Variants in SIX4 observed in about 807,000 individuals in gnomAD.
SIX4 encodes the protein homeobox protein SIX4.
SIX4 carries 23 observed loss-of-function variants against 51.5 expected under a neutral mutation model. The observed-to-expected ratio is 0.45, with a 90% CI of 0.32 to 0.63. SIX4 has a LOEUF of 0.63. Among genes scored for constraint, SIX4 ranks in the 30% least tolerant of loss-of-function variants. SIX4 has a pLI of 0.04. For synonymous variants in SIX4, 413 were observed against 417.3 expected, an observed-to-expected ratio of 0.99 and a Z score of 0.13; for missense variants, 867 against 984.0, an observed-to-expected ratio of 0.88 and a Z score of 1.59.
intron 2 of SIX4, among the ~76,000 whole-genome samples, chr14:60,715,781 A>G (rs1351367344): frequency 3.9e-5 from 6 of 152,114 alleles, no homozygotes; most frequent in African/African-American, 1.4e-4. Flanking sequence ...ATAATCTAGG[A>G]CCTCAAATAT....
rs1004718510 is a variant in SIX4, at chr14:60,710,647, G to C, written c.*2760C>G. 4.6e-5 allele frequency: 7 copies of C among 152,564 alleles called. No homozygotes were observed. Among genetic ancestry groups the C allele is most frequent in the Non-Finnish European group, 8.8e-5 (6 of 68,026 alleles). 9.5% of individuals were successfully genotyped at this position (152,564 alleles called of 1,614,324 possible). A position where few individuals can be genotyped will look rare whatever the true frequency, so the allele number is the denominator to read the frequency against. On this transcript the variant is annotated 3_prime_UTR_variant, in exon 3 of 3. Transcript: ENST00000216513. ...GAAATTCTGCCACATGACTCCAAGGGTTCTGAGTCTGGCCCTTGGTATGGC... is the reference window on the plus strand; with the variant it reads ...GAAATTCTGCCACATGACTCCAAGGCTTCTGAGTCTGGCCCTTGGTATGGC...
At chr14:60,718,164 T>G (rs1042831568) in intron 2 of SIX4, among the ~76,000 whole-genome samples, 2 of 152,100 alleles carry the variant, frequency 1.3e-5, no homozygotes, top group Non-Finnish European at 1.5e-5. Flanking sequence ...CAGTATCTGT[T>G]TGTGAGAAAA....
Position 60,723,374 on chromosome 14 carries a change from G to C in SIX4, c.701C>G (p.Ser234Trp). 1 of 1,612,202 alleles carries C rather than the reference G, an allele frequency of 6.2e-7. No individual in the cohort carries two copies. The highest frequency in any genetic ancestry group is 8.5e-7 in the Non-Finnish European group (1 of 1,179,998). Residue 234 changes from serine (S) to tryptophan (W), a missense_variant, in exon 1 of 3, where the codon TCG (serine) becomes TGG (tryptophan). Coordinates refer to ENST00000216513, the MANE Select transcript of SIX4 (RefSeq NM_017420.5). ...EETVYCFKEK[S>W]RNALKELYKQ... ...GTAGAGCTCCTTGAGCGCGTTGCGC[G>C]ACTTCTCCTTGAAACAATACACCGT...
In SIX4 at chr14:60,724,225, C is replaced by G. The variant is rs571268229; in HGVS notation, c.-151G>C. On this transcript the variant is annotated 5_prime_UTR_variant, in exon 1 of 3. Transcript: ENST00000216513. The stretch of plus-strand genomic sequence containing the variant: ...CCTCCTGGTTTCGGCTGTATCTGGC[C>G]GATCAGGTTTCCCCCCGGCCACGCA... 2.5e-5 allele frequency: 39 copies of G among 1,547,078 alleles called. No homozygotes were observed. In the South Asian group the frequency reaches 2.6e-4, roughly 10 times the overall value.
At chr14:60,716,846 G>A (rs1895929445) in intron 2 of SIX4, among the ~76,000 whole-genome samples, 1 of 152,154 alleles carries the variant, frequency 6.6e-6, no homozygotes, top group African/African-American at 2.4e-5. Context: ...TATTTTTAAT[G>A]CAAAGGAATG....
At position 60,720,278 on chromosome 14, in the gene SIX4, C is replaced by T; in HGVS notation, c.1031G>A (p.Ser344Asn). Residue 344 changes from serine to asparagine, a missense_variant, in exon 2 of 3, where the codon AGC (serine) becomes AAC (asparagine). Coordinates refer to ENST00000216513, the MANE Select transcript of SIX4 (RefSeq NM_017420.5). The surrounding 1 kb of genome is among the most constrained non-coding windows in gnomAD (Gnocchi z 5.5). ...QQIGNAKISLSSSGVLLNGSL... is the reference protein window; with the variant it reads ...QQIGNAKISLNSSGVLLNGSL... ...TCCATTCAACAGAACTCCAGAAGAG[C>T]TTAATGATATCTTAGCATTTCCAAT... The T allele has an allele frequency of 6.2e-7, 1 of 1,614,216 alleles. No individual in the cohort carries two copies. The highest frequency in any genetic ancestry group is 1.7e-5 in the Admixed American group (1 of 60,028).
rs1895979990 is a variant in SIX4, at chr14:60,719,461, T to G, written c.1549+299A>C. On this transcript the variant is annotated intron_variant, in intron 2 of 2. Transcript: ENST00000216513. This position sits in a 1 kb window ranked among gnomAD's most constrained non-coding sequence, Gnocchi z 4.9. ...AAGCAGTGAGTTATTTTGTAAGCAC[T>G]GATTGACTTATCATATTTCTGTAAT... Among the ~76,000 whole-genome samples the G allele has an allele frequency of 6.6e-6, 1 of 152,256 alleles. No homozygotes were observed. Among genetic ancestry groups the G allele is most frequent in the South Asian group, 2.1e-4 (1 of 4,832 alleles).
In SIX4 at chr14:60,720,676, A is replaced by T. The variant is rs1175824994; in HGVS notation, c.864-231T>A. ...ATCCCAATCATTTAAAATAACAATA[A>T]ATTCAGGGAAAGTCCAGACATCTGC... On this transcript the variant is annotated intron_variant, in intron 1 of 2. Coordinates refer to ENST00000216513, the MANE Select transcript of SIX4 (RefSeq NM_017420.5). The surrounding 1 kb of genome is among the most constrained non-coding windows in gnomAD (Gnocchi z 5.5). Among the ~76,000 whole-genome samples, 1 of 152,226 alleles carries T rather than the reference A, an allele frequency of 6.6e-6. No homozygotes were observed. The highest frequency in any genetic ancestry group is 1.5e-5 in the Non-Finnish European group (1 of 68,046).
Position 60,721,485 on chromosome 14 carries a change from G to T in SIX4, c.864-1040C>A, listed in dbSNP as rs117055123. On this transcript the variant is annotated intron_variant, in intron 1 of 2. Transcript: ENST00000216513. ...GGCTTTGGGCTGCGGGGCCAGGAGCGCAGAAAGCGCTTTGATTTACAAGCT... is the reference window on the plus strand; with the variant it reads ...GGCTTTGGGCTGCGGGGCCAGGAGCTCAGAAAGCGCTTTGATTTACAAGCT... Among the ~76,000 whole-genome samples the T allele has an allele frequency of 1.6e-3, 245 of 152,340 alleles. No homozygotes were observed. In the East Asian group the frequency reaches 0.027, roughly 17 times the overall value.
Position 60,723,904 on chromosome 14 carries a change from G to C in SIX4, c.171C>G (p.Asp57Glu). The change falls in exon 1 of 3, where the codon GAC becomes GAG. Residue 57 changes from aspartate (D) to glutamate (E), a missense_variant. Asp to Glu is a conservative substitution (Grantham distance 45, BLOSUM62 2). Coordinates refer to ENST00000216513, the MANE Select transcript of SIX4 (RefSeq NM_017420.5). The part of the protein sequence containing the change: ...APAPFPLEPG[D>E]AATAAARVSG... Reference sequence around the variant, plus strand: ...TCACCCTGGCGGCAGCGGTCGCGGCGTCCCCCGGCTCCAGGGGAAAAGGGG... The same window carrying C: ...TCACCCTGGCGGCAGCGGTCGCGGCCTCCCCCGGCTCCAGGGGAAAAGGGG... 2 of 1,519,574 alleles carry C rather than the reference G, an allele frequency of 1.3e-6. No homozygotes were observed. Among genetic ancestry groups the C allele is most frequent in the Non-Finnish European group, 1.7e-6 (2 of 1,149,058 alleles). The allele number at this position is 1,519,574 out of a possible 1,614,324, so 94.1% of individuals were successfully genotyped here.
chr14:60,723,866 C>G lies in SIX4; in HGVS notation c.209G>C (p.Gly70Ala), dbSNP rs1270675393. Residue 70 changes from glycine (G) to alanine (A), a missense_variant, in exon 1 of 3, where the codon GGG becomes GCG. Coordinates refer to ENST00000216513, the MANE Select transcript of SIX4 (RefSeq NM_017420.5). ...TAAARVSGEE[G>A]AVAAAAAGAA... ...TCCGGCCGCCGCCGCCGCCACTGCCCCTTCCTCTCCGCTCACCCTGGCGGC... is the reference window on the plus strand; with the variant it reads ...TCCGGCCGCCGCCGCCGCCACTGCCGCTTCCTCTCCGCTCACCCTGGCGGC... 1 of 1,544,202 alleles carries G rather than the reference C, an allele frequency of 6.5e-7. No homozygotes were observed. The highest frequency in any genetic ancestry group is 2.2e-5 in the Admixed American group (1 of 46,262).
rs1460979245 is a variant in SIX4, at chr14:60,723,833, G to A, written c.242C>T (p.Ala81Val). 3.9e-6 allele frequency: 6 copies of A among 1,520,704 alleles called. No homozygotes were observed. In the Admixed American group the frequency reaches 1.4e-4, roughly 34 times the overall value. 94.2% of individuals were successfully genotyped at this position (1,520,704 alleles called of 1,614,324 possible). A position where few individuals can be genotyped will look rare whatever the true frequency, so the allele number is the denominator to read the frequency against. The change falls in exon 1 of 3, where the codon GCG (alanine) becomes GTG (valine). Residue 81 changes from alanine (A) to valine (V), a missense_variant. Ala to Val is a moderately conservative substitution (Grantham distance 64, BLOSUM62 0). Coordinates refer to ENST00000216513, the MANE Select transcript of SIX4 (RefSeq NM_017420.5). ...TTCCGAGTGGAGTTGTACCTGATCC[G>A]CCGCCGCTCCGGCCGCCGCCGCCGC... is the stretch of plus-strand genomic sequence containing the variant. ...AVAAAAAGAAADQVQLHSELL... is the reference protein window; with the variant it reads ...AVAAAAAGAAVDQVQLHSELL...
At position 60,720,247 on chromosome 14, in the gene SIX4, C is replaced by T. The variant is rs1895997343; in HGVS notation, c.1062G>A (p.Leu354=). Residue 354 remains leucine, a synonymous_variant, in exon 2 of 3, where the codon TTG becomes TTA. Coordinates refer to ENST00000216513, the MANE Select transcript of SIX4 (RefSeq NM_017420.5). The surrounding 1 kb of genome is among the most constrained non-coding windows in gnomAD (Gnocchi z 5.5). ...SSSGVLLNGS[L]VPASTSPVFL... is the part of the protein sequence containing the mutation. ...AGACAGGTGAAGTACTTGCAGGTAC[C>T]AAGCTTCCATTCAACAGAACTCCAG... 6.2e-7 allele frequency: 1 copy of T among 1,614,138 alleles called. No individual in the cohort carries two copies. The highest frequency in any genetic ancestry group is 2.2e-5 in the East Asian group (1 of 44,884).
rs1426862165 is a variant in SIX4, at chr14:60,722,298, G to C, written c.863+914C>G. Among the ~76,000 whole-genome samples the C allele has an allele frequency of 6.6e-6, 1 of 152,168 alleles. No individual in the cohort carries two copies. Among genetic ancestry groups the C allele is most frequent in the Non-Finnish European group, 1.5e-5 (1 of 68,032 alleles). On this transcript the variant is annotated intron_variant, in intron 1 of 2. Coordinates refer to ENST00000216513, the MANE Select transcript of SIX4 (RefSeq NM_017420.5). This position sits in a 1 kb window ranked among gnomAD's most constrained non-coding sequence, Gnocchi z 5.9. ...ATCCGGTATTTTTTTTACCAGAGGG[G>C]GAAAGCAGTCTGCCAGGCAAAAAGC... is the stretch of plus-strand genomic sequence containing the variant.
intron 1 of SIX4, 98 bp downstream of exon 1, chr14:60,723,114 G>A (rs1896059768): frequency 4.9e-6 from 7 of 1,437,136 alleles, no homozygotes; most frequent in African/African-American, 1.4e-5. Context: ...AGGCTGGTGG[G>A]GAAGGTAAGC....
In SIX4 at chr14:60,719,680, T is replaced by C. The variant is rs1487693606; in HGVS notation, c.1549+80A>G. The C allele has an allele frequency of 5.1e-5, 71 of 1,401,044 alleles. No homozygotes were observed. Among genetic ancestry groups the C allele is most frequent in the South Asian group, 2.6e-4 (20 of 75,764 alleles). The allele number at this position is 1,401,044 out of a possible 1,614,324, so 86.8% of individuals were successfully genotyped here. A position where few individuals can be genotyped will look rare whatever the true frequency, so the allele number is the denominator to read the frequency against. On this transcript the variant is annotated intron_variant, in intron 2 of 2. Transcript: ENST00000216513. The surrounding 1 kb of genome is among the most constrained non-coding windows in gnomAD (Gnocchi z 4.9). ...GTACCTGAACAGAAACATCAATCTA[T>C]AGCTATCACCAAATGCGTCACTTAC...
Position 60,723,911 on chromosome 14 carries a change from G to A in SIX4, c.164C>T (p.Pro55Leu). ...GGCGGCAGCGGTCGCGGCGTCCCCC[G>A]GCTCCAGGGGAAAAGGGGCTGGAGC... ...PPAPAPFPLE[P>L]GDAATAAARV... The change falls in exon 1 of 3, where the codon CCG (proline) becomes CTG (leucine). Residue 55 changes from proline to leucine, a missense_variant. Coordinates refer to ENST00000216513, the MANE Select transcript of SIX4 (RefSeq NM_017420.5). 1.3e-6 allele frequency: 2 copies of A among 1,516,648 alleles called. No individual in the cohort carries two copies. Among genetic ancestry groups the A allele is most frequent in the Non-Finnish European group, 8.7e-7 (1 of 1,146,746 alleles). The allele number at this position is 1,516,648 out of a possible 1,614,324, so 93.9% of individuals were successfully genotyped here.
At chr14:60,718,409 C>T (rs17097757) in intron 2 of SIX4, among the ~76,000 whole-genome samples, 4,654 of 152,264 alleles carry the variant, frequency 0.031, 194 homozygotes, top group African/African-American at 0.099. Context: ...GGCAGTGCTC[C>T]TCTAGATTAC....
chr14:60,716,497 C>T (rs536363756), intron 2 of SIX4, among the ~76,000 whole-genome samples: 5 of 151,280 alleles, frequency 3.3e-5, no homozygotes, highest in Admixed American at 6.6e-5. Context: ...GTGATCCACC[C>T]GCCTCGGCCT....
Sources: allele counts gnomAD v4.1 joint callset (sites outside exome capture counted in the v4.1 genomes callset), GRCh38; gene constraint gnomAD v4.1.1; non-coding constraint Gnocchi (gnomAD v3.1); transcripts MANE v1.5; gene names NCBI Gene and HGNC (gene_info 2026-07-23, HGNC 2026-07-21).